Variants in SLC8A1 observed in about 807,000 individuals in gnomAD.
The protein encoded by SLC8A1 is solute carrier family 8 member A1, also known as sodium/calcium exchanger 1.
In SLC8A1, 18 loss-of-function variants were observed where a neutral mutation model predicts 68.3. That is an observed-to-expected ratio of 0.26 (90% CI 0.18 to 0.39). SLC8A1 has a LOEUF of 0.39. SLC8A1 is among the 10% of genes least tolerant of loss of function. The pLI, the probability that SLC8A1 is intolerant of heterozygous loss-of-function variation, is 1.00. For synonymous variants in SLC8A1, 475 were observed against 415.5 expected (o/e 1.14, Z -1.74); for missense variants, 985 against 1,156.7 (o/e 0.85, Z 2.15).
At chr2:40,161,485 C>G (rs72937264) in intron 5 of SLC8A1, among the ~76,000 whole-genome samples, 3,181 of 152,226 alleles carry the variant, frequency 0.021, 115 homozygotes, top group African/African-American at 0.072. Flanking sequence ...AAGTTCAGTT[C>G]TTATGGTTTA....
intron 2 of SLC8A1, among the ~76,000 whole-genome samples, chr2:40,352,434 A>G (rs956311056): frequency 6.6e-6 from 1 of 152,160 alleles, no homozygotes; most frequent in African/African-American, 2.4e-5. Flanking sequence ...TGGATGTTCT[A>G]TTCATTGTCC....
chr2:40,201,406 A>G (rs947949454), intron 2 of SLC8A1, among the ~76,000 whole-genome samples: 18 of 151,952 alleles, frequency 1.2e-4, no homozygotes, highest in African/African-American at 3.4e-4. Context: ...TAGATTGTCT[A>G]TTACTCCAAA....
At chr2:40,122,224 ACGTGTGCGCGCG>A (rs1202922165) in intron 7 of SLC8A1, among the ~76,000 whole-genome samples, 3 of 140,050 alleles carry the variant, frequency 2.1e-5, no homozygotes, top group Admixed American at 7.1e-5. Flanking sequence ...ACACACACAC[ACGTGTGCGCGCG>A]CACACACACA....
chr2:40,165,022 C>T (rs778712301), intron 4 of SLC8A1, 38 bp from the exon 8 acceptor site: 2 of 1,611,418 alleles, frequency 1.2e-6, no homozygotes, highest in Non-Finnish European at 1.7e-6. Flanking sequence ...GCACTGTGTT[C>T]TGTTTAATTT....
In SLC8A1 at chr2:40,221,514, A is replaced by G. The variant is rs989855459; in HGVS notation, c.1809-43659T>C. ...TCTCACCACTCCTATTCAACATAGT[A>G]TTGGAAGTTCTGGCCAGGGCAGTCA... On this transcript the variant is annotated intron_variant, in intron 2 of 7. Coordinates refer to ENST00000406785, the Ensembl canonical transcript of SLC8A1. 2.6e-5 allele frequency among the ~76,000 whole-genome samples: 4 copies of G among 152,292 alleles called. 1 individual carries two copies. Among genetic ancestry groups the G allele is most frequent in the Admixed American group, 2.0e-4 (3 of 15,300 alleles).
At chr2:40,133,941 C>G (rs2039970893) in intron 7 of SLC8A1, among the ~76,000 whole-genome samples, 2 of 152,142 alleles carry the variant, frequency 1.3e-5, no homozygotes, top group South Asian at 4.1e-4. Flanking sequence ...AAAGGCTGGG[C>G]TCCAAATGCT....
rs76931283 is a variant in SLC8A1 at position 40,324,310 on chromosome 2, A to T, written c.1808+104163T>A. Among the ~76,000 whole-genome samples the T allele has an allele frequency of 5.4e-3, 819 of 152,268 alleles. 12 individuals are homozygous for T. Among genetic ancestry groups the T allele is most frequent in the African/African-American group, 0.019 (776 of 41,572 alleles). ...TTTTTAAAGAGGGGAAACGCTCACA[A>T]AAGTCAAGGAGTGGGAATTATACCT... On this transcript the variant is annotated intron_variant, in intron 2 of 7. Transcript: ENST00000406785.
intron 2 of SLC8A1, among the ~76,000 whole-genome samples, chr2:40,225,707 G>C (rs928571924): frequency 4.6e-5 from 7 of 152,166 alleles, no homozygotes; most frequent in Admixed American, 3.3e-4. Context: ...CAGTGTTCCA[G>C]TGGGAGTTGG....
At chr2:40,440,532 G>C (rs1700272147) in intron 1 of SLC8A1, among the ~76,000 whole-genome samples, 1 of 151,944 alleles carries the variant, frequency 6.6e-6, no homozygotes, top group African/African-American at 2.4e-5. Context: ...CGAGGCACTG[G>C]GGCTAGAACC....
intron 2 of SLC8A1, among the ~76,000 whole-genome samples, chr2:40,321,929 T>TA (rs1393288198): frequency 2.0e-5 from 3 of 152,188 alleles, no homozygotes; most frequent in Non-Finnish European, 4.4e-5. Context: ...ATTAAACCTC[T>TA]ACTGTCTGAT....
intron 2 of SLC8A1, among the ~76,000 whole-genome samples, chr2:40,291,427 C>A (rs2069297808): frequency 6.6e-6 from 1 of 152,040 alleles, no homozygotes; most frequent in African/African-American, 2.4e-5. Flanking sequence ...TTCCCCTGCT[C>A]ATATTCCGAA....
At chr2:40,101,058 A>G (rs2125024385) in exon 8 of SLC8A1, 1 of 152,294 alleles carries the variant, frequency 6.6e-6, no homozygotes, top group East Asian at 1.9e-4. Context: ...TTCAGGAAAC[A>G]TACATGTGTG....
In SLC8A1 at chr2:40,311,319, T is replaced by A. The variant is rs1292940279; in HGVS notation, c.1808+117154A>T. 2.0e-5 allele frequency among the ~76,000 whole-genome samples: 3 copies of A among 152,154 alleles called. No individual in the cohort carries two copies. The East Asian group carries it at 5.8e-4, about 29-fold the overall frequency. ...TCATTTAACATTCAAAGCTGTAACTTTTAAATCAGTTTCTTCTAGCATCAT... is the reference window on the plus strand; with the variant it reads ...TCATTTAACATTCAAAGCTGTAACTATTAAATCAGTTTCTTCTAGCATCAT... On this transcript the variant is annotated intron_variant, in intron 2 of 7. Coordinates refer to ENST00000406785, the Ensembl canonical transcript of SLC8A1.
Position 40,419,069 on chromosome 2 carries a change from TCTC to T in SLC8A1, c.1808+9401_1808+9403del, listed in dbSNP as rs1206449996. Among the ~76,000 whole-genome samples the T allele has an allele frequency of 4.6e-5, 7 of 152,300 alleles. No homozygotes were observed. The East Asian group carries it at 1.2e-3, about 25-fold the overall frequency. ...GTAGGACTGAACATTCGTACATCCA[TCTC>T]CTCTAGTAAAGCTTGAGGTTTTCTA... On this transcript the variant is annotated intron_variant, in intron 2 of 7. Transcript: ENST00000406785.
intron 2 of SLC8A1, among the ~76,000 whole-genome samples, chr2:40,405,744 G>A (rs1339251895): frequency 1.3e-5 from 2 of 152,122 alleles, no homozygotes; most frequent in African/African-American, 2.4e-5. Flanking sequence ...GCTAACAGGT[G>A]CCTTATTTTT....
chr2:40,115,736 C>T (rs531492197), intron 7 of SLC8A1, 107 bp from the exon 11 acceptor site: 1 of 1,414,730 alleles, frequency 7.1e-7, no homozygotes. Context: ...TAATATAAAC[C>T]CAGTGACCAA....
At chr2:40,416,524 T>G (rs1316973410) in intron 2 of SLC8A1, among the ~76,000 whole-genome samples, 2 of 152,298 alleles carry the variant, frequency 1.3e-5, no homozygotes, top group East Asian at 1.9e-4. Flanking sequence ...ATGTCATTTT[T>G]TAAAAAAATT....
At chr2:40,255,652 G>T (rs2063791361) in intron 2 of SLC8A1, among the ~76,000 whole-genome samples, 1 of 152,118 alleles carries the variant, frequency 6.6e-6, no homozygotes, top group African/African-American at 2.4e-5. Flanking sequence ...TCATAATTTT[G>T]TTGTGGAAAA....
At chr2:40,287,353 T>C (rs906025284) in intron 2 of SLC8A1, among the ~76,000 whole-genome samples, 2 of 152,136 alleles carry the variant, frequency 1.3e-5, no homozygotes, top group African/African-American at 4.8e-5. Flanking sequence ...TTCCAAAATA[T>C]GTTGGCAGCA....
Sources: allele counts gnomAD v4.1 joint callset (sites outside exome capture counted in the v4.1 genomes callset), GRCh38; gene constraint gnomAD v4.1.1; transcripts MANE v1.5; gene names NCBI Gene and HGNC (gene_info 2026-07-23, HGNC 2026-07-21).